ADGRD2: variants seen among roughly 807,000 people sequenced by gnomAD.
ADGRD2 encodes the protein adhesion G protein-coupled receptor D2.
A neutral mutation model predicts 44.4 loss-of-function variants in ADGRD2; 71 were observed. The observed-to-expected ratio is 1.60, with a 90% CI of 1.32 to 1.95. The LOEUF (loss-of-function observed/expected upper bound fraction) is 1.95. Among genes scored for constraint, ADGRD2 ranks in the 30% most tolerant of loss-of-function variants. The pLI, the probability that ADGRD2 is intolerant of heterozygous loss-of-function variation, is 0.00. For synonymous variants in ADGRD2, 481 were observed against 224.8 expected (o/e 2.14, Z -10.19); for missense variants, 1,039 against 512.4 (o/e 2.03, Z -9.92).
At chr9:124,453,373 T>C in exon 3 of ADGRD2, 1 of 555,810 alleles carries the variant, frequency 1.8e-6, no homozygotes, top group East Asian at 3.4e-5. Context: ...GGCGCTGTTC[T>C]CCGATGGGAG....
exon 17 of ADGRD2, chr9:124,470,527 C>G (rs377674289): frequency 2.8e-6 from 2 of 711,084 alleles, no homozygotes; most frequent in Non-Finnish European, 5.2e-6. Context: ...TCCTGCTGCC[C>G]GTCCTAGGCC....
intron 10 of ADGRD2, among the ~76,000 whole-genome samples, chr9:124,462,182 C>G (rs768835322): frequency 6.6e-6 from 1 of 151,990 alleles, no homozygotes; most frequent in Non-Finnish European, 1.5e-5. Context: ...CACCTCAGCC[C>G]CAGCCCCTCA....
exon 11 of ADGRD2, chr9:124,466,311 C>T (rs1393447311): frequency 2.8e-6 from 2 of 715,678 alleles, no homozygotes; most frequent in East Asian, 2.7e-5. Flanking sequence ...GTGCCTGGGC[C>T]ACCACAGGCT....
At chr9:124,463,468 G>C (rs781368290) in intron 10 of ADGRD2, among the ~76,000 whole-genome samples, 1 of 152,192 alleles carries the variant, frequency 6.6e-6, no homozygotes, top group East Asian at 1.9e-4. Context: ...TCTGGTTTGG[G>C]TGTCAGATTA....
At chr9:124,452,126 A>C (rs1367218978) in exon 1 of ADGRD2, 5 of 715,422 alleles carry the variant, frequency 7.0e-6, no homozygotes, top group African/African-American at 5.3e-5. Context: ...CCAACTCCCC[A>C]GGTGAATCAA....
At chr9:124,453,315 C>T (rs1381602377) in exon 3 of ADGRD2, 3 of 484,868 alleles carry the variant, frequency 6.2e-6, no homozygotes, top group African/African-American at 4.1e-5. Flanking sequence ...GCGCCGACGG[C>T]CGCTGGCACC....
intron 16 of ADGRD2, among the ~76,000 whole-genome samples, chr9:124,470,019 A>T (rs1588608124): frequency 6.6e-6 from 1 of 151,812 alleles, no homozygotes; most frequent in Non-Finnish European, 1.5e-5. Context: ...AGAGAGAGGG[A>T]CCCCACCGGC....
exon 2 of ADGRD2, chr9:124,452,551 G>T: frequency 2.8e-6 from 2 of 718,570 alleles, no homozygotes; most frequent in Admixed American, 2.0e-5. Flanking sequence ...TGCAGGTGGG[G>T]TGTGCAAGTT....
At chr9:124,456,252 T>G (rs1812281387) in intron 6 of ADGRD2, among the ~76,000 whole-genome samples, 1 of 152,204 alleles carries the variant, frequency 6.6e-6, no homozygotes. Flanking sequence ...CTCCCTCCCC[T>G]GCTCTCACCA....
intron 10 of ADGRD2, 104 bp downstream of exon 13, chr9:124,458,825 T>G: frequency 1.6e-6 from 1 of 634,326 alleles, no homozygotes; most frequent in Non-Finnish European, 2.9e-6. Flanking sequence ...GGCCTAATAA[T>G]GCACACAAAA....
At position 124,466,133 on chromosome 9, in the gene ADGRD2, G is replaced by T. The variant is rs539058611; in HGVS notation, c.1871-125G>T. On this transcript the variant is annotated intron_variant, in intron 10 of 21. Transcript: ENST00000334810. ...AGGTGAAAAACTGAGACCCAGGAAG[G>T]GGCGGTGACTCGCCAAGGTCACCTA... The T allele has an allele frequency of 3.2e-5, 15 of 463,688 alleles. No homozygotes were observed. The East Asian group carries it at 4.4e-4, about 13-fold the overall frequency. 28.7% of individuals were successfully genotyped at this position (463,688 alleles called of 1,614,324 possible).
exon 19 of ADGRD2, chr9:124,475,613 G>A (rs577619733): frequency 1.6e-5 from 11 of 692,940 alleles, no homozygotes; most frequent in Non-Finnish European, 2.1e-5. Context: ...GAAGGTGGCC[G>A]AGGTGCTCAG....
exon 20 of ADGRD2, chr9:124,476,404 C>T (rs949169910): frequency 6.7e-5 from 47 of 702,146 alleles, no homozygotes; most frequent in Non-Finnish European, 1.1e-4. Flanking sequence ...CATTGCAAAC[C>T]CGGAGAGACA....
intron 17 of ADGRD2, 38 bp downstream of exon 20, chr9:124,470,652 C>T (rs1263915432): frequency 1.5e-6 from 1 of 687,418 alleles, no homozygotes; most frequent in Admixed American, 2.0e-5. Flanking sequence ...TAGGCCCTGA[C>T]ATGCACGAAA....
chr9:124,453,394 G>C, exon 3 of ADGRD2: 1 of 581,892 alleles, frequency 1.7e-6, no homozygotes, highest in South Asian at 2.0e-5. Context: ...GCGGCGCGCT[G>C]GGGCGCGGGG....
At chr9:124,458,509 C>T (rs1005235521) in intron 9 of ADGRD2, 107 bp from the exon 13 acceptor site, 23 of 648,644 alleles carry the variant, frequency 3.5e-5, no homozygotes, top group African/African-American at 2.5e-4. Context: ...GATATCCCTT[C>T]GGACACAGAG....
chr9:124,466,447 G>A (rs761558894), intron 11 of ADGRD2, 34 bp downstream of exon 14: 1 of 645,720 alleles, frequency 1.5e-6, no homozygotes, highest in South Asian at 1.8e-5. Flanking sequence ...TGTCAGGAGG[G>A]GGCTTCTTAG....
intron 10 of ADGRD2, among the ~76,000 whole-genome samples, chr9:124,461,589 A>G (rs1301046823): frequency 6.6e-6 from 1 of 152,132 alleles, no homozygotes; most frequent in Non-Finnish European, 1.5e-5. Context: ...AATTGTCTGC[A>G]TATGTGTAGA....
intron 21 of ADGRD2, among the ~76,000 whole-genome samples, chr9:124,477,698 T>C (rs1489283047): frequency 6.6e-6 from 1 of 152,124 alleles, no homozygotes; most frequent in Non-Finnish European, 1.5e-5. Context: ...CATCCCCGGC[T>C]GGCATCTCGG....
Sources: gnomAD v4.1 joint callset for allele counts (sites outside exome capture counted in the v4.1 genomes callset) on GRCh38, gnomAD v4.1.1 for gene constraint, MANE v1.5 for transcripts, NCBI Gene and HGNC (gene_info 2026-07-23, HGNC 2026-07-21) for gene names.